The following CTNND2 variants were observed in gnomAD, a reference collection of about 807,000 sequenced individuals.
CTNND2 encodes the protein catenin delta-2.
A neutral mutation model predicts 144.4 loss-of-function variants in CTNND2; 22 were observed. That is an observed-to-expected ratio of 0.15 (90% CI 0.11 to 0.22). The LOEUF is 0.22. CTNND2 is among the 10% of genes least tolerant of loss of function. CTNND2 has a pLI of 1.00. For synonymous variants in CTNND2, 751 were observed against 695.6 expected, an observed-to-expected ratio of 1.08 and a Z score of -1.25; for missense variants, 1,353 against 1,618.8, an observed-to-expected ratio of 0.84 and a Z score of 2.82.
chr5:11,060,987 A>G (rs1746907174), intron 16 of CTNND2, among the ~76,000 whole-genome samples: 1 of 152,040 alleles, frequency 6.6e-6, no homozygotes, highest in African/African-American at 2.4e-5. Context: ...CACACTGATG[A>G]CACACAGATT....
At position 11,390,646 on chromosome 5, in the gene CTNND2, C is replaced by T. The variant is rs372023520; in HGVS notation, c.613-5417G>A. 3.1e-3 allele frequency among the ~76,000 whole-genome samples: 468 copies of T among 152,344 alleles called. 4 individuals are homozygous for T. In the South Asian group the frequency reaches 0.031, roughly 10 times the overall value. ...CTGCCAAGTTTTCTTAAATTGCCAG[C>T]AAGTCCCCCAGTTCTGGGACAGGAG... is the stretch of plus-strand genomic sequence containing the variant. On this transcript the variant is annotated intron_variant, in intron 6 of 21. Coordinates refer to ENST00000304623, the MANE Select transcript of CTNND2 (RefSeq NM_001332.4).
intron 2 of CTNND2, among the ~76,000 whole-genome samples, chr5:11,638,531 G>A (rs1490082417): frequency 1.3e-5 from 2 of 151,980 alleles, no homozygotes; most frequent in Admixed American, 6.6e-5. Context: ...TATGTTTCCC[G>A]CACAAAAGTT....
intron 3 of CTNND2, among the ~76,000 whole-genome samples, chr5:11,432,071 A>G (rs1763342871): frequency 6.7e-6 from 1 of 150,320 alleles, no homozygotes; most frequent in Non-Finnish European, 1.5e-5. Context: ...GTTAAATAAA[A>G]TGCTCAATGG....
chr5:11,659,318 T>C (rs1299171580), intron 2 of CTNND2, among the ~76,000 whole-genome samples: 3 of 152,092 alleles, frequency 2.0e-5, no homozygotes, highest in Non-Finnish European at 4.4e-5. Context: ...TGGGCATCTG[T>C]GAATTTTGGT....
chr5:11,258,175 T>C (rs929391844), intron 9 of CTNND2, among the ~76,000 whole-genome samples: 4 of 151,944 alleles, frequency 2.6e-5, no homozygotes, highest in African/African-American at 4.8e-5. Flanking sequence ...GATATCAGAG[T>C]AGTGCAAAGT....
chr5:11,269,789 C>G (rs974082183), intron 9 of CTNND2, among the ~76,000 whole-genome samples: 1 of 152,142 alleles, frequency 6.6e-6, no homozygotes, highest in Admixed American at 6.5e-5. Flanking sequence ...TCCCTCCCCC[C>G]TCAGAATATG....
chr5:11,648,388 C>G (rs764736583), intron 2 of CTNND2, among the ~76,000 whole-genome samples: 3 of 152,032 alleles, frequency 2.0e-5, no homozygotes, highest in African/African-American at 4.8e-5. Flanking sequence ...TCAAAAGCCC[C>G]TTTCTCCAAC....
chr5:11,757,764 T>C (rs1240085992), intron 1 of CTNND2, among the ~76,000 whole-genome samples: 1 of 152,012 alleles, frequency 6.6e-6, no homozygotes, highest in Non-Finnish European at 1.5e-5. Context: ...GAGTCATCTT[T>C]CTATGACTTG....
Position 11,796,718 on chromosome 5 carries a change from A to C in CTNND2, c.38-64446T>G, listed in dbSNP as rs762315517. ...CTTAGGGCTGTTTATAGGATGTCTT[A>C]ATTTTTCAGATGGTTAAGTATTACA... On this transcript the variant is annotated intron_variant, in intron 1 of 21. Coordinates refer to ENST00000304623, the MANE Select transcript of CTNND2 (RefSeq NM_001332.4). Among the ~76,000 whole-genome samples the C allele has an allele frequency of 2.0e-5, 3 of 152,318 alleles. No individual in the cohort carries two copies. The South Asian group carries it at 6.2e-4, about 32-fold the overall frequency.
chr5:11,489,834 G>A (rs1411527304), intron 3 of CTNND2, among the ~76,000 whole-genome samples: 1 of 152,192 alleles, frequency 6.6e-6, no homozygotes, highest in East Asian at 1.9e-4. Flanking sequence ...AGGCACAGCT[G>A]TGTGTGAAAC....
chr5:11,346,984 A>G (rs1754865923), intron 8 of CTNND2, among the ~76,000 whole-genome samples: 1 of 152,214 alleles, frequency 6.6e-6, no homozygotes, highest in Non-Finnish European at 1.5e-5. Flanking sequence ...TTCATTTTCA[A>G]GTTGAGAAGA....
intron 2 of CTNND2, among the ~76,000 whole-genome samples, chr5:11,637,834 G>C (rs999887660): frequency 6.6e-6 from 1 of 152,028 alleles, no homozygotes; most frequent in Non-Finnish European, 1.5e-5. Context: ...AAGGGGAGGA[G>C]GTTTTAGACA....
chr5:11,838,047 T>A (rs1317155034), intron 1 of CTNND2, among the ~76,000 whole-genome samples: 1 of 152,198 alleles, frequency 6.6e-6, no homozygotes, highest in Non-Finnish European at 1.5e-5. Context: ...AGTCTTGTGC[T>A]CTGCCAGGAC....
intron 3 of CTNND2, among the ~76,000 whole-genome samples, chr5:11,559,349 T>C (rs1776503203): frequency 6.6e-6 from 1 of 152,168 alleles, no homozygotes; most frequent in African/African-American, 2.4e-5. Flanking sequence ...CCTGTCTACC[T>C]TGAGGCTTCA....
chr5:11,076,793 G>T (rs1347024152), intron 16 of CTNND2, among the ~76,000 whole-genome samples: 1 of 152,198 alleles, frequency 6.6e-6, no homozygotes, highest in Non-Finnish European at 1.5e-5. Context: ...CCCGATAATG[G>T]AGTCTAAGAA....
intron 18 of CTNND2, among the ~76,000 whole-genome samples, chr5:11,010,740 G>T (rs1740986873): frequency 6.6e-6 from 1 of 152,234 alleles, no homozygotes; most frequent in Non-Finnish European, 1.5e-5. Flanking sequence ...GGCCGCAAGA[G>T]CCAATGAAAT....
intron 7 of CTNND2, among the ~76,000 whole-genome samples, chr5:11,371,084 T>C (rs774063612): frequency 6.6e-6 from 1 of 152,236 alleles, no homozygotes; most frequent in Non-Finnish European, 1.5e-5. Flanking sequence ...CTTGCAAATC[T>C]ACACTGCTGT....
At chr5:11,311,828 C>T (rs556573530) in intron 9 of CTNND2, among the ~76,000 whole-genome samples, 1 of 148,142 alleles carries the variant, frequency 6.8e-6, no homozygotes, top group African/African-American at 2.5e-5. Context: ...AGCCCACACT[C>T]ACACACACTC....
At chr5:11,457,467 T>C (rs1765834911) in intron 3 of CTNND2, among the ~76,000 whole-genome samples, 1 of 152,228 alleles carries the variant, frequency 6.6e-6, no homozygotes, top group Non-Finnish European at 1.5e-5. Context: ...TCCTCTGTAA[T>C]ATTATACTAT....
Sources: gnomAD v4.1 joint callset for allele counts (sites outside exome capture counted in the v4.1 genomes callset) on GRCh38, gnomAD v4.1.1 for gene constraint, MANE v1.5 for transcripts, NCBI Gene and HGNC (gene_info 2026-07-23, HGNC 2026-07-21) for gene names.